Variants in RAPGEF5 observed in about 807,000 individuals in gnomAD.
The protein encoded by RAPGEF5 is M-Ras-regulated GEF.
A neutral mutation model predicts 125.2 loss-of-function variants in RAPGEF5; 65 were observed. That is an observed-to-expected ratio of 0.52 (90% CI 0.43 to 0.64). The LOEUF is 0.64. Among genes scored for constraint, RAPGEF5 ranks in the 30% least tolerant of loss-of-function variants. The pLI is 0.00. For synonymous variants in RAPGEF5, 391 were observed against 385.9 expected (o/e 1.01, Z -0.16); for missense variants, 958 against 1,048.1 (o/e 0.91, Z 1.19).
intron 1 of RAPGEF5, among the ~76,000 whole-genome samples, chr7:22,321,336 G>C (rs1345143487): frequency 1.3e-5 from 2 of 152,174 alleles, no homozygotes; most frequent in Admixed American, 6.5e-5. Flanking sequence ...TAAAATTAAA[G>C]TGTAATAGTT....
rs146102357 is a variant in RAPGEF5 at position 22,343,143 on chromosome 7, C to T, written c.231+13687G>A. ...CAATCACGGAGGAAGGTAAAATGCA[C>T]GTCTCACATGGTGGTAGACAAGGGA... On this transcript the variant is annotated intron_variant, in intron 1 of 25. Transcript: ENST00000665637. Among the ~76,000 whole-genome samples the T allele has an allele frequency of 2.9e-3, 443 of 152,280 alleles. 11 individuals are homozygous for T. The East Asian group carries it at 0.064, about 22-fold the overall frequency.
At chr7:22,325,555 T>C (rs770084876) in intron 1 of RAPGEF5, among the ~76,000 whole-genome samples, 2 of 152,188 alleles carry the variant, frequency 1.3e-5, no homozygotes, top group African/African-American at 2.4e-5. Flanking sequence ...GATATGACTC[T>C]ATAAATTATA....
At chr7:22,343,754 A>G (rs1410002808) in intron 1 of RAPGEF5, among the ~76,000 whole-genome samples, 6 of 152,186 alleles carry the variant, frequency 3.9e-5, no homozygotes, top group African/African-American at 1.4e-4. Flanking sequence ...TAATTATCCT[A>G]TTCGACTATT....
Position 22,120,754 on chromosome 7 carries a change from G to A in RAPGEF5, c.*1652C>T, listed in dbSNP as rs1782558956. The A allele has an allele frequency of 6.6e-6, 1 of 152,172 alleles. No homozygotes were observed. Among genetic ancestry groups the A allele is most frequent in the Admixed American group, 6.5e-5 (1 of 15,272 alleles). The allele number at this position is 152,172 out of a possible 1,614,324, so 9.4% of individuals were successfully genotyped here. On this transcript the variant is annotated 3_prime_UTR_variant, in exon 26 of 26. Coordinates refer to ENST00000665637, the MANE Select transcript of RAPGEF5 (RefSeq NM_012294.5). This position sits in a 1 kb window ranked among gnomAD's most constrained non-coding sequence, Gnocchi z 4.0. ...GTTCAGGACTGAAGTTTTACATGCTGGGCCAAACTAAGTCTCTCTCAAAGT... is the reference window on the plus strand; with the variant it reads ...GTTCAGGACTGAAGTTTTACATGCTAGGCCAAACTAAGTCTCTCTCAAAGT...
chr7:22,138,671 C>G (rs201285859), intron 21 of RAPGEF5, among the ~76,000 whole-genome samples: 1 of 152,236 alleles, frequency 6.6e-6, no homozygotes, highest in East Asian at 1.9e-4. Flanking sequence ...TCCAAGACTT[C>G]TGTCATCACA....
At chr7:22,269,374 T>C (rs1232633795) in intron 6 of RAPGEF5, among the ~76,000 whole-genome samples, 2 of 152,088 alleles carry the variant, frequency 1.3e-5, no homozygotes, top group Non-Finnish European at 2.9e-5. Flanking sequence ...CTAATGCCTA[T>C]ATTTTGGCTG....
intron 9 of RAPGEF5, among the ~76,000 whole-genome samples, chr7:22,210,835 A>AGG (rs1219532395): frequency 1.3e-5 from 2 of 152,176 alleles, no homozygotes; most frequent in African/African-American, 4.8e-5. Flanking sequence ...CTGGAAAAAG[A>AGG]GGGGAAAACT....
rs758575567 is a variant in RAPGEF5, at chr7:22,230,845, C to A, written c.870+1G>T. ...AGGGGCTGTCACAGAATTGATCATACCTGAGAATCTGGAACACTTTCGGCT... is the reference window on the plus strand; with the variant it reads ...AGGGGCTGTCACAGAATTGATCATAACTGAGAATCTGGAACACTTTCGGCT... On this transcript the variant is annotated splice_donor_variant, in intron 8 of 25. Transcript: ENST00000665637. LOFTEE classifies it high-confidence loss of function. The A allele has an allele frequency of 1.3e-6, 2 of 1,565,404 alleles. No homozygotes were observed. The highest frequency in any genetic ancestry group is 8.7e-7 in the Non-Finnish European group (1 of 1,152,770).
Position 22,322,830 on chromosome 7 carries a change from C to T in RAPGEF5, c.232-4793G>A, listed in dbSNP as rs907106602. Among the ~76,000 whole-genome samples the T allele has an allele frequency of 2.0e-5, 3 of 152,200 alleles. No homozygotes were observed. The South Asian group carries it at 6.2e-4, about 32-fold the overall frequency. On this transcript the variant is annotated intron_variant, in intron 1 of 25. Coordinates refer to ENST00000665637, the MANE Select transcript of RAPGEF5 (RefSeq NM_012294.5). ...CGAGGAGACCTGGGCAGTCTTTCCT[C>T]AAATTTCCCAGGTGGTTCTAAGGTG...
At chr7:22,213,229 C>T (rs746356686) in intron 9 of RAPGEF5, among the ~76,000 whole-genome samples, 1 of 152,218 alleles carries the variant, frequency 6.6e-6, no homozygotes, top group Non-Finnish European at 1.5e-5. Context: ...GATGGTTCCA[C>T]CAGACAGCAG....
At chr7:22,140,263 G>A in intron 20 of RAPGEF5, 148 bp from the exon 21 acceptor site, 1 of 665,782 alleles carries the variant, frequency 1.5e-6, no homozygotes. Context: ...CCCTTCAGCT[G>A]TCTCTAATGC....
At chr7:22,294,527 A>G (rs1783014886) in intron 5 of RAPGEF5, among the ~76,000 whole-genome samples, 1 of 152,114 alleles carries the variant, frequency 6.6e-6, no homozygotes, top group Non-Finnish European at 1.5e-5. Context: ...TAACCATCAA[A>G]CTGGATGCAT....
intron 1 of RAPGEF5, among the ~76,000 whole-genome samples, chr7:22,337,229 G>A (rs1038037347): frequency 4.6e-5 from 7 of 152,206 alleles, no homozygotes; most frequent in Admixed American, 3.3e-4. Flanking sequence ...GGTTGGGGAT[G>A]TAATCGCAAT....
chr7:22,252,960 AAAAG>A (rs749916346), intron 7 of RAPGEF5, among the ~76,000 whole-genome samples: 1 of 152,224 alleles, frequency 6.6e-6, no homozygotes, highest in Non-Finnish European at 1.5e-5. Flanking sequence ...ACTTAAAAAA[AAAAG>A]AAAGATACAA....
At chr7:22,210,896 C>T (rs1562763359) in intron 9 of RAPGEF5, among the ~76,000 whole-genome samples, 3 of 152,116 alleles carry the variant, frequency 2.0e-5, no homozygotes, top group Non-Finnish European at 4.4e-5. Context: ...CAACACTGAT[C>T]TCTTCAGACC....
intron 11 of RAPGEF5, among the ~76,000 whole-genome samples, chr7:22,190,257 CAG>C (rs1352402019): frequency 6.6e-6 from 1 of 152,078 alleles, no homozygotes; most frequent in Non-Finnish European, 1.5e-5. Flanking sequence ...GGGTGACAGA[CAG>C]ACACTCCGTC....
At chr7:22,339,990 A>ATTAATTT (rs1784095501) in intron 1 of RAPGEF5, among the ~76,000 whole-genome samples, 1 of 152,202 alleles carries the variant, frequency 6.6e-6, no homozygotes, top group South Asian at 2.1e-4. Context: ...GAAGTGGGGA[A>ATTAATTT]TGTGAGAACT....
chr7:22,280,306 A>G (rs1782646941), intron 6 of RAPGEF5, among the ~76,000 whole-genome samples: 1 of 152,176 alleles, frequency 6.6e-6, no homozygotes, highest in African/African-American at 2.4e-5. Flanking sequence ...CTAGCCTCTC[A>G]AACCGTGGCT....
intron 2 of RAPGEF5, among the ~76,000 whole-genome samples, chr7:22,317,515 C>T (rs1048234535): frequency 1.4e-4 from 22 of 152,254 alleles, no homozygotes; most frequent in African/African-American, 5.3e-4. Context: ...GCAGGGATTA[C>T]AGGCGTGAGC....
Sources: gnomAD v4.1 joint callset for allele counts (sites outside exome capture counted in the v4.1 genomes callset) on GRCh38, gnomAD v4.1.1 for gene constraint, Gnocchi (gnomAD v3.1) non-coding constraint, MANE v1.5 for transcripts, NCBI Gene and HGNC (gene_info 2026-07-23, HGNC 2026-07-21) for gene names.